The following RIMS1 variants were observed in gnomAD, a reference collection of about 807,000 sequenced individuals.
RIMS1 encodes the protein regulating synaptic membrane exocytosis 1.
In RIMS1, 83 loss-of-function variants were observed where a neutral mutation model predicts 214.1. The observed-to-expected ratio is 0.39, with a 90% CI of 0.32 to 0.47. RIMS1 has a LOEUF of 0.47. RIMS1 is among the 20% of genes least tolerant of loss of function. The pLI is 0.99. For missense variants in RIMS1, 2,050 were observed against 2,161.8 expected (o/e 0.95, Z 1.03); for synonymous variants, 793 against 786.8 (o/e 1.01, Z -0.13).
At chr6:72,042,549 C>G (rs1028971380) in intron 2 of RIMS1, among the ~76,000 whole-genome samples, 4 of 151,678 alleles carry the variant, frequency 2.6e-5, no homozygotes, top group African/African-American at 9.7e-5. Flanking sequence ...ATACATGTGC[C>G]GTAATTTATT....
intron 26 of RIMS1, among the ~76,000 whole-genome samples, chr6:72,295,442 T>C (rs2093967864): frequency 6.6e-6 from 1 of 151,854 alleles, no homozygotes; most frequent in African/African-American, 2.4e-5. Context: ...AAAAATGGAA[T>C]TTATTTTTTG....
At chr6:72,285,193 G>T (rs2091870909) in intron 24 of RIMS1, among the ~76,000 whole-genome samples, 1 of 152,162 alleles carries the variant, frequency 6.6e-6, no homozygotes, top group Admixed American at 6.5e-5. Flanking sequence ...CCACAGATGT[G>T]CTTTAAACAT....
intron 2 of RIMS1, among the ~76,000 whole-genome samples, chr6:72,006,221 T>C (rs940773935): frequency 6.6e-6 from 1 of 152,156 alleles, no homozygotes; most frequent in African/African-American, 2.4e-5. Context: ...AATACCATCC[T>C]ATTGGGGATT....
chr6:72,239,635 T>G (rs1420127028), intron 9 of RIMS1, among the ~76,000 whole-genome samples: 1 of 152,214 alleles, frequency 6.6e-6, no homozygotes, highest in Non-Finnish European at 1.5e-5. Context: ...TGCAATATCT[T>G]TATCCAGTCC....
At chr6:72,136,390 G>A (rs1203514484) in intron 4 of RIMS1, among the ~76,000 whole-genome samples, 1 of 151,142 alleles carries the variant, frequency 6.6e-6, no homozygotes, top group Non-Finnish European at 1.5e-5. Context: ...AGTATAAACA[G>A]AAGAATCCTA....
At chr6:72,271,313 A>G (rs2083263236) in intron 22 of RIMS1, among the ~76,000 whole-genome samples, 1 of 143,658 alleles carries the variant, frequency 7.0e-6, no homozygotes, top group Non-Finnish European at 1.5e-5. Flanking sequence ...ATATATATAT[A>G]TATGTTAATT....
intron 1 of RIMS1, among the ~76,000 whole-genome samples, chr6:71,942,191 C>T (rs1199488152): frequency 6.6e-6 from 1 of 152,128 alleles, no homozygotes; most frequent in East Asian, 1.9e-4. Context: ...CAATCATTGA[C>T]TCCGTGTGTA....
intron 1 of RIMS1, among the ~76,000 whole-genome samples, chr6:71,952,568 C>T (rs2151146806): frequency 6.6e-6 from 1 of 152,300 alleles, no homozygotes; most frequent in Middle Eastern, 3.4e-3. Context: ...CAGAGAGCAG[C>T]CCTAGGGCAG....
Position 72,208,587 on chromosome 6 carries a change from G to A in RIMS1, c.1679-25186G>A, listed in dbSNP as rs985512101. Among the ~76,000 whole-genome samples the A allele has an allele frequency of 2.6e-5, 4 of 152,252 alleles. No homozygotes were observed. The East Asian group carries it at 5.8e-4, about 22-fold the overall frequency. ...TTGTGCCAAGCTTGAGGCTGAAATTGTCAACTTCTGATTATCCTTTAAATA... is the reference window on the plus strand; with the variant it reads ...TTGTGCCAAGCTTGAGGCTGAAATTATCAACTTCTGATTATCCTTTAAATA... On this transcript the variant is annotated intron_variant, in intron 6 of 33. Coordinates refer to ENST00000521978, the MANE Select transcript of RIMS1 (RefSeq NM_014989.7).
At chr6:72,177,522 G>A (rs190927037) in intron 4 of RIMS1, among the ~76,000 whole-genome samples, 1 of 152,274 alleles carries the variant, frequency 6.6e-6, no homozygotes, top group East Asian at 1.9e-4. Flanking sequence ...AAAGTGCTGG[G>A]ATTACAGGTG....
At chr6:72,327,407 A>G (rs115606039) in intron 28 of RIMS1, among the ~76,000 whole-genome samples, 6 of 151,696 alleles carry the variant, frequency 4.0e-5, no homozygotes, top group South Asian at 4.1e-4. Flanking sequence ...TTGTTTCTCT[A>G]TTCATCAGTT....
chr6:72,168,730 T>G (rs1006580396), intron 4 of RIMS1, among the ~76,000 whole-genome samples: 20 of 150,916 alleles, frequency 1.3e-4, no homozygotes, highest in African/African-American at 4.1e-4. Flanking sequence ...GGTTTTTTTT[T>G]TTTTTTTTTT....
chr6:72,131,414 A>G (rs1229960412), intron 4 of RIMS1, among the ~76,000 whole-genome samples: 2 of 152,186 alleles, frequency 1.3e-5, no homozygotes, highest in African/African-American at 4.8e-5. Context: ...GGGACAGAGT[A>G]CAAAAGAGAG....
intron 1 of RIMS1, among the ~76,000 whole-genome samples, chr6:71,925,897 A>G (rs952382277): frequency 1.3e-5 from 2 of 152,230 alleles, no homozygotes. Context: ...TTTTACAAGA[A>G]ATGTTTTTAC....
intron 2 of RIMS1, among the ~76,000 whole-genome samples, chr6:71,985,236 A>G (rs1340650355): frequency 6.6e-6 from 1 of 152,076 alleles, no homozygotes; most frequent in Non-Finnish European, 1.5e-5. Flanking sequence ...ATTAAAAAAT[A>G]AAACATTAGC....
At chr6:72,249,039 T>G (rs2071708756) in intron 12 of RIMS1, among the ~76,000 whole-genome samples, 1 of 152,168 alleles carries the variant, frequency 6.6e-6, no homozygotes, top group African/African-American at 2.4e-5. Context: ...AGGTATCAAT[T>G]GGGAATCAGA....
intron 8 of RIMS1, among the ~76,000 whole-genome samples, chr6:72,237,279 A>G (rs1339922001): frequency 6.6e-6 from 1 of 151,940 alleles, no homozygotes; most frequent in Non-Finnish European, 1.5e-5. Context: ...GGAAAGAAAG[A>G]AAAGAGAAAG....
chr6:72,025,069 A>G (rs1240096982), intron 2 of RIMS1, among the ~76,000 whole-genome samples: 1 of 151,742 alleles, frequency 6.6e-6, no homozygotes, highest in East Asian at 1.9e-4. Flanking sequence ...ATACCCGGCT[A>G]ATTTTTGTAT....
intron 2 of RIMS1, among the ~76,000 whole-genome samples, chr6:72,065,368 A>T (rs1829032408): frequency 6.6e-6 from 1 of 152,214 alleles, no homozygotes; most frequent in East Asian, 1.9e-4. Flanking sequence ...TGAAAGAATA[A>T]TAACACTGCC....
Sources: allele counts gnomAD v4.1 joint callset (sites outside exome capture counted in the v4.1 genomes callset), GRCh38; gene constraint gnomAD v4.1.1; transcripts MANE v1.5; gene names NCBI Gene and HGNC (gene_info 2026-07-23, HGNC 2026-07-21).